PKNOX2: variants seen among roughly 807,000 people sequenced by gnomAD.
The protein encoded by PKNOX2 is PBX/knotted 1 homeobox 2.
A neutral mutation model predicts 53.1 loss-of-function variants in PKNOX2; 14 were observed. That is an observed-to-expected ratio of 0.26 (90% CI 0.17 to 0.41). The LOEUF is 0.41. Ranked by LOEUF, PKNOX2 falls within the 10% of genes least tolerant of loss-of-function variation. The pLI is 1.00. For synonymous variants in PKNOX2, 257 were observed against 242.8 expected (o/e 1.06, Z -0.54); for missense variants, 496 against 602.8 (o/e 0.82, Z 1.85).
rs368110038 is a variant in PKNOX2, at chr11:125,262,598, C to A, written c.-130+27483C>A. Among the ~76,000 whole-genome samples the A allele has an allele frequency of 2.6e-4, 40 of 152,180 alleles. No homozygotes were observed. The East Asian group carries it at 7.4e-3, about 28-fold the overall frequency. ...CTCCACCTTTGCCCTGCTCCCCAAG[C>A]AGCCCTCCCACCCTTCCTCCCTCCC... On this transcript the variant is annotated intron_variant, in intron 2 of 12. Coordinates refer to ENST00000298282, the MANE Select transcript of PKNOX2 (RefSeq NM_001382323.2).
intron 1 of PKNOX2, among the ~76,000 whole-genome samples, chr11:125,232,288 T>C (rs903293854): frequency 6.6e-5 from 10 of 152,244 alleles, no homozygotes; most frequent in Non-Finnish European, 1.5e-4. Flanking sequence ...TTCTACCATA[T>C]CTTCTGCCTC....
intron 1 of PKNOX2, among the ~76,000 whole-genome samples, chr11:125,232,491 G>A (rs772799164): frequency 1.3e-5 from 2 of 152,204 alleles, no homozygotes; most frequent in Non-Finnish European, 2.9e-5. Context: ...GGGGCATTAA[G>A]TAACTTGCCC....
rs944645691 is a variant in PKNOX2 at position 125,257,792 on chromosome 11, T to C, written c.-130+22677T>C. Among the ~76,000 whole-genome samples, 4 of 152,362 alleles carry C rather than the reference T, an allele frequency of 2.6e-5. No individual in the cohort carries two copies. The East Asian group carries it at 5.8e-4, about 22-fold the overall frequency. On this transcript the variant is annotated intron_variant, in intron 2 of 12. Transcript: ENST00000298282. ...CCTGTCTGTTTTGTTTCCATTTTTCTGCCCCTCTGAAGCTTGTCTGCTCAC... is the reference window on the plus strand; with the variant it reads ...CCTGTCTGTTTTGTTTCCATTTTTCCGCCCCTCTGAAGCTTGTCTGCTCAC...
At chr11:125,299,403 G>A (rs927516247) in intron 2 of PKNOX2, among the ~76,000 whole-genome samples, 1 of 151,668 alleles carries the variant, frequency 6.6e-6, no homozygotes, top group African/African-American at 2.4e-5. Context: ...CCCTCCCTGG[G>A]CACAAGACGA....
At chr11:125,204,504 C>T (rs1269268057) in intron 1 of PKNOX2, among the ~76,000 whole-genome samples, 1 of 152,184 alleles carries the variant, frequency 6.6e-6, no homozygotes, top group Non-Finnish European at 1.5e-5. Context: ...GCCTGTGGCT[C>T]AAGCTCCCAA....
intron 10 of PKNOX2, among the ~76,000 whole-genome samples, chr11:125,428,511 G>A (rs1472370860): frequency 2.0e-5 from 3 of 152,180 alleles, no homozygotes; most frequent in Non-Finnish European, 4.4e-5. Context: ...CACTATACAA[G>A]TAGTACTCTT....
intron 2 of PKNOX2, among the ~76,000 whole-genome samples, chr11:125,261,912 T>C (rs750301108): frequency 6.6e-6 from 1 of 152,222 alleles, no homozygotes; most frequent in Non-Finnish European, 1.5e-5. Flanking sequence ...TGTTGGCACA[T>C]TCCGAACTGT....
Position 125,312,632 on chromosome 11 carries a change from C to G in PKNOX2, c.-129-19187C>G, listed in dbSNP as rs138393635. Among the ~76,000 whole-genome samples, 94 of 152,300 alleles carry G rather than the reference C, an allele frequency of 6.2e-4. 1 individual carries two copies. The East Asian group carries it at 0.013, about 22-fold the overall frequency. ...ACCCACCGCACCCTGCCTGCCACCC[C>G]CCGAGTGTCACGCACGGCAGGCACT... On this transcript the variant is annotated intron_variant, in intron 2 of 12. Transcript: ENST00000298282.
intron 1 of PKNOX2, 40 bp downstream of exon 1, chr11:125,164,816 A>AGGC (rs550176803): frequency 1.7e-5 from 3 of 179,214 alleles, no homozygotes; most frequent in African/African-American, 2.4e-5. Flanking sequence ...ACGCTTTTGC[A>AGGC]GGCGGCGGCG....
At chr11:125,294,888 A>AGTGAAGGGTGAGGCATGACT (rs1947549941) in intron 2 of PKNOX2, among the ~76,000 whole-genome samples, 1 of 152,180 alleles carries the variant, frequency 6.6e-6, no homozygotes, top group African/African-American at 2.4e-5. Flanking sequence ...GCTCTCTGAG[A>AGTGAAGGGTGAGGCATGACT]GTGAAGGGTG....
intron 3 of PKNOX2, 115 bp downstream of exon 3, chr11:125,332,040 G>T (rs759786787): frequency 2.0e-5 from 3 of 152,168 alleles, no homozygotes; most frequent in African/African-American, 7.2e-5. Context: ...TAACATGAAC[G>T]ACCTTGAAAG....
At chr11:125,430,848 T>TTAAC (rs1168164179) in intron 12 of PKNOX2, among the ~76,000 whole-genome samples, 1 of 152,134 alleles carries the variant, frequency 6.6e-6, no homozygotes, top group African/African-American at 2.4e-5. Flanking sequence ...AGCTAATGAC[T>TTAAC]TAACTGTCTG....
intron 2 of PKNOX2, among the ~76,000 whole-genome samples, chr11:125,272,303 T>A (rs1945849920): frequency 6.6e-6 from 1 of 152,184 alleles, no homozygotes; most frequent in African/African-American, 2.4e-5. Context: ...AATGTCTGGC[T>A]CTCGATGAAT....
At chr11:125,291,024 A>G (rs540803005) in intron 2 of PKNOX2, among the ~76,000 whole-genome samples, 25 of 152,310 alleles carry the variant, frequency 1.6e-4, no homozygotes, top group African/African-American at 6.0e-4. Flanking sequence ...ATACCATGTC[A>G]TTCCAATGGC....
intron 4 of PKNOX2, among the ~76,000 whole-genome samples, chr11:125,364,826 T>C (rs1952103313): frequency 6.6e-6 from 1 of 152,112 alleles, no homozygotes; most frequent in South Asian, 2.1e-4. Flanking sequence ...AACACCCTCA[T>C]GGTGTCTGAG....
intron 1 of PKNOX2, among the ~76,000 whole-genome samples, chr11:125,173,940 T>C (rs1404911693): frequency 2.6e-5 from 4 of 152,194 alleles, no homozygotes; most frequent in Non-Finnish European, 4.4e-5. Flanking sequence ...GGTTCCAGCG[T>C]AGCACAATGG....
intron 5 of PKNOX2, among the ~76,000 whole-genome samples, chr11:125,376,375 C>A (rs1351299919): frequency 6.6e-6 from 1 of 152,216 alleles, no homozygotes; most frequent in Non-Finnish European, 1.5e-5. Context: ...GGGCCGCTGG[C>A]TCGCTCCCAC....
chr11:125,367,613 C>A (rs1484360011), intron 4 of PKNOX2, among the ~76,000 whole-genome samples: 1 of 152,134 alleles, frequency 6.6e-6, no homozygotes, highest in Non-Finnish European at 1.5e-5. Flanking sequence ...CTGGGCATCT[C>A]CTGGTTTTGG....
intron 4 of PKNOX2, among the ~76,000 whole-genome samples, chr11:125,355,020 A>C (rs895609505): frequency 6.6e-6 from 1 of 152,128 alleles, no homozygotes; most frequent in Non-Finnish European, 1.5e-5. Context: ...TAATACCAGC[A>C]CTTTGGGAGG....
Sources: allele counts gnomAD v4.1 joint callset (sites outside exome capture counted in the v4.1 genomes callset), GRCh38; gene constraint gnomAD v4.1.1; transcripts MANE v1.5; gene names NCBI Gene and HGNC (gene_info 2026-07-23, HGNC 2026-07-21).